FGD3: variants seen among roughly 807,000 people sequenced by gnomAD.
The protein encoded by FGD3 is FYVE, RhoGEF and PH domain containing 3, also known as FYVE, RhoGEF and PH domain-containing protein 3.
FGD3 carries 45 observed loss-of-function variants against 71.8 expected under a neutral mutation model. The ratio of observed to expected loss-of-function variants is 0.63; its 90% confidence interval spans 0.49 to 0.80. The LOEUF (loss-of-function observed/expected upper bound fraction) is 0.80, where lower values mean the gene tolerates loss of function less well. Ranked by LOEUF, FGD3 falls within the 30% of genes least tolerant of loss-of-function variation. FGD3 has a pLI of 0.00. For synonymous variants in FGD3, 378 were observed against 392.8 expected, an observed-to-expected ratio of 0.96 and a Z score of 0.44; for missense variants, 844 against 951.5, an observed-to-expected ratio of 0.89 and a Z score of 1.49.
At chr9:92,984,509 G>A (rs914847733) in intron 3 of FGD3, among the ~76,000 whole-genome samples, 3 of 152,208 alleles carry the variant, frequency 2.0e-5, no homozygotes, top group African/African-American at 7.2e-5. Flanking sequence ...CCCCTTGAGA[G>A]ATGCCTTGGT....
intron 10 of FGD3, among the ~76,000 whole-genome samples, chr9:93,017,265 C>T (rs1266605633): frequency 6.6e-6 from 1 of 152,018 alleles, no homozygotes; most frequent in Non-Finnish European, 1.5e-5. Flanking sequence ...GGACAAGACC[C>T]TGTCTCAAAA....
At chr9:92,984,111 AGCT>A (rs1393979147) in intron 3 of FGD3, among the ~76,000 whole-genome samples, 4 of 152,240 alleles carry the variant, frequency 2.6e-5, no homozygotes, top group African/African-American at 9.6e-5. Context: ...GGATACAGCT[AGCT>A]CTGTATGTCC....
intron 14 of FGD3, among the ~76,000 whole-genome samples, chr9:93,024,467 C>G (rs1242612025): frequency 6.6e-6 from 1 of 152,268 alleles, no homozygotes; most frequent in Non-Finnish European, 1.5e-5. Flanking sequence ...TGGCCTCTGC[C>G]TGATGACCCT....
At chr9:92,952,059 A>G (rs77815259) in intron 1 of FGD3, among the ~76,000 whole-genome samples, 7,414 of 152,200 alleles carry the variant, frequency 0.049, 334 homozygotes, top group East Asian at 0.24. Flanking sequence ...ATGCTGCATA[A>G]GGAATAATTC....
At chr9:93,009,424 C>G (rs1373947895) in intron 6 of FGD3, among the ~76,000 whole-genome samples, 1 of 152,166 alleles carries the variant, frequency 6.6e-6, no homozygotes, top group Non-Finnish European at 1.5e-5. Context: ...TGTTCTGGGC[C>G]CTGAGCCAGG....
intron 2 of FGD3, 57 bp from the exon 3 acceptor site, chr9:92,976,151 T>TGCATG: frequency 1.8e-6 from 2 of 1,091,506 alleles, no homozygotes; most frequent in East Asian, 2.6e-5. Flanking sequence ...GGGTTGCACC[T>TGCATG]GAGGGTGCTG....
chr9:92,960,791 G>C (rs1859154354), intron 1 of FGD3, among the ~76,000 whole-genome samples: 1 of 152,114 alleles, frequency 6.6e-6, no homozygotes, highest in Admixed American at 6.5e-5. Flanking sequence ...ATTAGGCCAG[G>C]GGCTGCTGAA....
intron 3 of FGD3, among the ~76,000 whole-genome samples, chr9:92,985,072 G>C (rs555303957): frequency 2.0e-5 from 3 of 152,264 alleles, no homozygotes; most frequent in Non-Finnish European, 4.4e-5. Flanking sequence ...GGGCCCTTCA[G>C]CCTTCAAAGC....
In FGD3 at chr9:93,014,786, C is replaced by T. The variant is rs556299979; in HGVS notation, c.1182+788C>T. 9.2e-5 allele frequency among the ~76,000 whole-genome samples: 14 copies of T among 152,218 alleles called. No homozygotes were observed. In the South Asian group the frequency reaches 1.0e-3, roughly 11 times the overall value. ...CCTCCTGAGTAGCTGGGATTACAGG[C>T]GTGCGCCACCACGCCCGGCTAATTT... On this transcript the variant is annotated intron_variant, in intron 9 of 17. Coordinates refer to ENST00000375482, the MANE Select transcript of FGD3 (RefSeq NM_001083536.2).
In FGD3 at chr9:92,989,592, G is replaced by T. The variant is rs563687183; in HGVS notation, c.453+12883G>T. On this transcript the variant is annotated intron_variant, in intron 3 of 17. Transcript: ENST00000375482. ...TGTGCCTTTCTCCAAAGAGGACTTT[G>T]AAGTCTTCAGTATTTAAAGGGGAAA... Among the ~76,000 whole-genome samples the T allele has an allele frequency of 2.0e-5, 3 of 152,166 alleles. No individual in the cohort carries two copies. In the East Asian group the frequency reaches 5.8e-4, roughly 29 times the overall value.
chr9:93,012,923 A>G (rs1045256326), intron 8 of FGD3, among the ~76,000 whole-genome samples: 2 of 151,292 alleles, frequency 1.3e-5, no homozygotes, highest in Non-Finnish European at 2.9e-5. Flanking sequence ...TTCCAGGTGC[A>G]TGCATTTCTC....
At chr9:92,965,918 G>A (rs1294637418) in intron 1 of FGD3, among the ~76,000 whole-genome samples, 4 of 152,178 alleles carry the variant, frequency 2.6e-5, no homozygotes, top group African/African-American at 9.7e-5. Context: ...ACCTAGACAA[G>A]GATGAGACTG....
At chr9:92,962,676 C>T (rs1481564492) in intron 1 of FGD3, among the ~76,000 whole-genome samples, 1 of 152,140 alleles carries the variant, frequency 6.6e-6, no homozygotes, top group African/African-American at 2.4e-5. Context: ...CATGGTGGCT[C>T]ATGCCTGTAA....
chr9:93,013,485 C>A (rs550429931), intron 8 of FGD3, among the ~76,000 whole-genome samples: 1 of 152,184 alleles, frequency 6.6e-6, no homozygotes, highest in East Asian at 1.9e-4. Context: ...ATGGATTGTC[C>A]GAGTCTGGGT....
intron 13 of FGD3, among the ~76,000 whole-genome samples, chr9:93,021,474 G>T (rs1047793447): frequency 3.9e-5 from 6 of 152,142 alleles, no homozygotes; most frequent in African/African-American, 1.4e-4. Context: ...TGCGAGGAAG[G>T]CCCTGGAGTC....
chr9:92,959,835 T>C (rs1859136662), intron 1 of FGD3, among the ~76,000 whole-genome samples: 1 of 151,496 alleles, frequency 6.6e-6, no homozygotes, highest in Non-Finnish European at 1.5e-5. Flanking sequence ...CCCATGTCCT[T>C]GTGTCCCCAT....
At chr9:92,960,071 A>G (rs1859141574) in intron 1 of FGD3, among the ~76,000 whole-genome samples, 1 of 149,350 alleles carries the variant, frequency 6.7e-6, no homozygotes, top group Admixed American at 6.6e-5. Flanking sequence ...CTCATGCCCC[A>G]TATCTCCATA....
rs202214207 is a variant in FGD3, at chr9:93,013,980, G to T, written c.1164G>T (p.Gln388His). The change falls in exon 9 of 18, where the codon CAG (glutamine) becomes CAT (histidine). Residue 388 changes from glutamine to histidine, a missense_variant. Physicochemically the swap from Gln to His is conservative, Grantham distance 24. Coordinates refer to ENST00000375482, the MANE Select transcript of FGD3 (RefSeq NM_001083536.2). ...QKLSAKNGTP[Q>H]DRHLFLFNSM... is the part of the protein sequence containing the mutation. ...TGTCAGCCAAGAACGGCACCCCCCA[G>T]GACCGCCACCTCTTCCTGGTGAGCC... 773 of 1,608,570 alleles carry T rather than the reference G, an allele frequency of 4.8e-4. No individual in the cohort carries two copies. The highest frequency in any genetic ancestry group is 6.1e-4 in the Admixed American group (36 of 59,058).
In FGD3 at chr9:92,995,328, T is replaced by C. The variant is rs189704275; in HGVS notation, c.454-7597T>C. On this transcript the variant is annotated intron_variant, in intron 3 of 17. Transcript: ENST00000375482. ...GTGATTTTTGCAAATTGATTTCGTA[T>C]CCTGAGACTTTGGTGAAGTTGCTTA... Among the ~76,000 whole-genome samples, 11 of 152,346 alleles carry C rather than the reference T, an allele frequency of 7.2e-5. No individual in the cohort carries two copies. In the East Asian group the frequency reaches 2.1e-3, roughly 29 times the overall value.
Sources: allele counts gnomAD v4.1 joint callset (sites outside exome capture counted in the v4.1 genomes callset), GRCh38; gene constraint gnomAD v4.1.1; transcripts MANE v1.5; gene names NCBI Gene and HGNC (gene_info 2026-07-23, HGNC 2026-07-21).